LAMA4: variants seen among roughly 807,000 people sequenced by gnomAD.
LAMA4 encodes the protein laminin subunit alpha 4, also known as laminin subunit alpha-4.
A neutral mutation model predicts 207.1 loss-of-function variants in LAMA4; 127 were observed. That is an observed-to-expected ratio of 0.61 (90% CI 0.53 to 0.71). The LOEUF (loss-of-function observed/expected upper bound fraction) is 0.71, where lower values mean the gene tolerates loss of function less well. Among genes scored for constraint, LAMA4 ranks in the 30% least tolerant of loss-of-function variants. The probability of loss-of-function intolerance (pLI) is 0.00; values close to 1 mark genes in which losing one functional copy is unlikely to be tolerated. For missense variants in LAMA4, 2,093 were observed against 2,246.5 expected, an observed-to-expected ratio of 0.93 and a Z score of 1.38; for synonymous variants, 761 against 816.0, an observed-to-expected ratio of 0.93 and a Z score of 1.15.
intron 2 of LAMA4, among the ~76,000 whole-genome samples, chr6:112,231,682 G>A (rs1785571459): frequency 6.6e-6 from 1 of 152,170 alleles, no homozygotes; most frequent in Non-Finnish European, 1.5e-5. Context: ...ATGTGTGCAG[G>A]TGTTTCCCTC....
chr6:112,178,210 C>A lies in LAMA4; in HGVS notation c.1100G>T (p.Gly367Val). 2 of 1,613,734 alleles carry A rather than the reference C, an allele frequency of 1.2e-6. No individual in the cohort carries two copies. Among genetic ancestry groups the A allele is most frequent in the Non-Finnish European group, 1.7e-6 (2 of 1,179,718 alleles). Residue 367 changes from glycine to valine, a missense_variant, in exon 10 of 39, where the codon GGA (glycine) becomes GTA (valine). Physicochemically the swap from Gly to Val is moderately radical, Grantham distance 109. Coordinates refer to ENST00000230538, the MANE Select transcript of LAMA4 (RefSeq NM_001105206.3). ...CATGCTTTCCTTCTGAACAAGTTGT[C>A]CTTTTCTGGAGGCTTGATTTTCCTA... Reference protein sequence around the residue: ...VEKENQASRKGQLVQKESMDT... With the variant: ...VEKENQASRKVQLVQKESMDT...
chr6:112,216,977 T>C (rs1249288441), intron 2 of LAMA4, among the ~76,000 whole-genome samples: 1 of 152,204 alleles, frequency 6.6e-6, no homozygotes, highest in African/African-American at 2.4e-5. Context: ...AAGCATCTGT[T>C]TCTTCAGATG....
rs868963124 is a variant in LAMA4 at position 112,179,836 on chromosome 6, G to A, written c.1078-1604C>T. On this transcript the variant is annotated intron_variant, in intron 9 of 38. Transcript: ENST00000230538. ...GTAGTCACAGAGCCCACTGTGCAGC[G>A]GCAATGTGGTCATCAGTCCCTTCAT... 5 of 503,222 alleles carry A rather than the reference G, an allele frequency of 9.9e-6. No individual in the cohort carries two copies. In the Middle Eastern group the frequency reaches 9.8e-4, roughly 99 times the overall value. The allele number at this position is 503,222 out of a possible 1,614,324, so 31.2% of individuals were successfully genotyped here.
chr6:112,175,109 A>G (rs1336184054), intron 11 of LAMA4, among the ~76,000 whole-genome samples: 4 of 152,200 alleles, frequency 2.6e-5, no homozygotes, highest in African/African-American at 9.6e-5. Context: ...TCAGGGGCTC[A>G]GAATTGGGCC....
chr6:112,213,954 A>T (rs782600156), intron 3 of LAMA4: 1 of 696,848 alleles, frequency 1.4e-6, no homozygotes, highest in African/African-American at 1.8e-5. Flanking sequence ...AACACTGGTC[A>T]TGACAGTGAG....
chr6:112,224,080 G>T (rs1473262495), intron 2 of LAMA4, among the ~76,000 whole-genome samples: 1 of 152,066 alleles, frequency 6.6e-6, no homozygotes, highest in African/African-American at 2.4e-5. Context: ...ATCACACCTG[G>T]CCCCATCATC....
chr6:112,214,061 C>T (rs782484726), intron 3 of LAMA4: 19 of 759,584 alleles, frequency 2.5e-5, no homozygotes, highest in East Asian at 7.5e-5. Context: ...GGGTCTTCTC[C>T]GTCAGTAGTC....
intron 13 of LAMA4, among the ~76,000 whole-genome samples, chr6:112,162,965 C>CTTTTTTTTTTTTTTTTT (rs34824903): frequency 1.1e-4 from 10 of 91,284 alleles, no homozygotes; most frequent in African/African-American, 4.6e-4. Flanking sequence ...CAGCTCAAAT[C>CTTTTTTTTTTTTTTTTT]TTTTTTTTTT....
chr6:112,206,755 T>G (rs1297840984), intron 4 of LAMA4, among the ~76,000 whole-genome samples: 2 of 152,196 alleles, frequency 1.3e-5, no homozygotes, highest in Admixed American at 6.5e-5. Context: ...TATCCTTGCT[T>G]ATAAAACTTA....
At position 112,162,879 on chromosome 6, in the gene LAMA4, A is replaced by G. The variant is rs553532510; in HGVS notation, c.1668+2281T>C. 2.6e-5 allele frequency among the ~76,000 whole-genome samples: 4 copies of G among 151,960 alleles called. No homozygotes were observed. In the South Asian group the frequency reaches 8.3e-4, roughly 32 times the overall value. On this transcript the variant is annotated intron_variant, in intron 13 of 38. Coordinates refer to ENST00000230538, the MANE Select transcript of LAMA4 (RefSeq NM_001105206.3). ...GATCAGCTAGGGAGAGAGTATAGGT[A>G]GAAAAGAAGGCCTAGGACCAAGCAC...
chr6:112,183,970 G>GA (rs1283351067), intron 9 of LAMA4, among the ~76,000 whole-genome samples: 1 of 119,286 alleles, frequency 8.4e-6, no homozygotes, highest in South Asian at 2.8e-4. Flanking sequence ...AAAAAAAAAA[G>GA]AAAAAAGAAT....
In LAMA4 at chr6:112,129,972, G is replaced by T; in HGVS notation, c.4037C>A (p.Thr1346Lys). ...GTAAAACTTCTTTTCACTTGCTTGT[G>T]TCTGTTCTATTTTCCCTTTGGTAGG... ...KNPTKGKIEQ[T>K]QASEKKFYFG... is the part of the protein sequence containing the mutation. The change falls in exon 30 of 39, where the codon ACA (threonine) becomes AAA (lysine). Residue 1346 changes from threonine (T) to lysine (K), a missense_variant. Physicochemically the swap from Thr to Lys is moderately conservative, Grantham distance 78 (BLOSUM62 -1). This residue lies in a region of LAMA4 where 1,704 missense variants were observed against 1,788.4 expected (regional missense o/e 0.95). Coordinates refer to ENST00000230538, the MANE Select transcript of LAMA4 (RefSeq NM_001105206.3). 1.9e-6 allele frequency: 3 copies of T among 1,613,092 alleles called. No homozygotes were observed. Among genetic ancestry groups the T allele is most frequent in the Non-Finnish European group, 2.5e-6 (3 of 1,179,318 alleles).
At chr6:112,124,945 C>T (rs782041319) in intron 31 of LAMA4, among the ~76,000 whole-genome samples, 2 of 151,914 alleles carry the variant, frequency 1.3e-5, no homozygotes, top group South Asian at 2.1e-4. Flanking sequence ...TTAGTAGAGA[C>T]GGGGTTTCAC....
At chr6:112,254,374 T>TCTCTCC (rs1279187977) in intron 1 of LAMA4, 83 bp from the exon 2 acceptor site, 91 of 597,392 alleles carry the variant, frequency 1.5e-4, no homozygotes, top group Admixed American at 1.2e-3. Context: ...TCTCCCCCTC[T>TCTCTCC]CTCTCCCTCT....
intron 2 of LAMA4, among the ~76,000 whole-genome samples, chr6:112,252,246 G>C (rs1041919429): frequency 1.3e-5 from 2 of 152,186 alleles, no homozygotes; most frequent in Non-Finnish European, 2.9e-5. Context: ...CTTGACCAAG[G>C]TCAAAGAGCT....
chr6:112,109,051 A>G lies in LAMA4; in HGVS notation c.*386T>C, dbSNP rs1777557324. Reference sequence around the variant, plus strand: ...AGGTAGTTTTAGGACAGAGATTTTTATATAGATTGAAAGTTATCTTCCCTG... The same window carrying G: ...AGGTAGTTTTAGGACAGAGATTTTTGTATAGATTGAAAGTTATCTTCCCTG... On this transcript the variant is annotated 3_prime_UTR_variant, in exon 39 of 39. Coordinates refer to ENST00000230538, the MANE Select transcript of LAMA4 (RefSeq NM_001105206.3). 7.9e-6 allele frequency: 2 copies of G among 253,048 alleles called. No individual in the cohort carries two copies. The highest frequency in any genetic ancestry group is 2.2e-5 in the African/African-American group (1 of 44,448). 15.7% of individuals were successfully genotyped at this position (253,048 alleles called of 1,614,324 possible). A position where few individuals can be genotyped will look rare whatever the true frequency, so the allele number is the denominator to read the frequency against.
At chr6:112,220,807 T>C (rs1378311196) in intron 2 of LAMA4, among the ~76,000 whole-genome samples, 1 of 152,182 alleles carries the variant, frequency 6.6e-6, no homozygotes, top group African/African-American at 2.4e-5. Flanking sequence ...ATGCATGCTT[T>C]GGCTATGGCA....
intron 2 of LAMA4, among the ~76,000 whole-genome samples, chr6:112,248,204 A>G (rs1056352807): frequency 1.3e-5 from 2 of 152,180 alleles, no homozygotes; most frequent in Non-Finnish European, 2.9e-5. Flanking sequence ...CTGTGCCCTT[A>G]AAAATAGTTC....
intron 18 of LAMA4, among the ~76,000 whole-genome samples, chr6:112,145,968 CCT>C (rs1780003881): frequency 6.6e-6 from 1 of 151,996 alleles, no homozygotes; most frequent in Admixed American, 6.6e-5. Context: ...ATGTTTTCTT[CCT>C]CTTCTATGTT....
Sources: gnomAD v4.1 joint callset for allele counts (sites outside exome capture counted in the v4.1 genomes callset) on GRCh38, gnomAD v4.1.1 for gene constraint, gnomAD v4.1.1 regional missense constraint, MANE v1.5 for transcripts, NCBI Gene and HGNC (gene_info 2026-07-23, HGNC 2026-07-21) for gene names.